NLRP5: variants seen among roughly 807,000 people sequenced by gnomAD.
The protein encoded by NLRP5 is NACHT, LRR and PYD domains-containing protein 5.
NLRP5 carries 93 observed loss-of-function variants against 113.1 expected under a neutral mutation model. The observed-to-expected ratio is 0.82, with a 90% CI of 0.70 to 0.98. The LOEUF is 0.98. NLRP5 is among the 50% of genes least tolerant of loss of function. NLRP5 has a pLI of 0.00. For synonymous variants in NLRP5, 751 were observed against 600.7 expected (o/e 1.25, Z -3.66); for missense variants, 1,808 against 1,514.3 (o/e 1.19, Z -3.22).
intron 11 of NLRP5, among the ~76,000 whole-genome samples, chr19:56,045,033 T>C (rs58212713): frequency 0.012 from 1,753 of 152,334 alleles, 30 homozygotes; most frequent in African/African-American, 0.04. Context: ...TGTTGGTGTA[T>C]AGAACTATTG....
chr19:56,014,395 G>T (rs569749604), intron 3 of NLRP5, among the ~76,000 whole-genome samples: 1 of 151,338 alleles, frequency 6.6e-6, no homozygotes, highest in Non-Finnish European at 1.5e-5. Flanking sequence ...CAGGGGAATC[G>T]CTTGAACCCA....
chr19:56,044,278 G>T (rs1471098887), intron 11 of NLRP5, among the ~76,000 whole-genome samples: 1 of 151,460 alleles, frequency 6.6e-6, no homozygotes, highest in Non-Finnish European at 1.5e-5. Context: ...TAGCCAGGCT[G>T]GTCTCGAACT....
chr19:56,018,656 C>CTGTGG (rs1982497085), intron 4 of NLRP5: 1 of 152,298 alleles, frequency 6.6e-6, no homozygotes, highest in Non-Finnish European at 1.5e-5. Context: ...TGGCTATCCA[C>CTGTGG]AAGCATGACC....
intron 1 of NLRP5, chr19:55,999,872 C>A: frequency 1.1e-6 from 1 of 911,716 alleles, no homozygotes. Flanking sequence ...CCTGCCCTCG[C>A]TGCTGTCTGC....
intron 11 of NLRP5, among the ~76,000 whole-genome samples, chr19:56,047,001 C>T (rs1983752493): frequency 6.6e-6 from 1 of 152,186 alleles, no homozygotes; most frequent in Non-Finnish European, 1.5e-5. Context: ...AGGAATTTAT[C>T]CATGTCTTCT....
chr19:56,003,624 T>C (rs1039137064), intron 1 of NLRP5, 112 bp from the exon 2 acceptor site: 12 of 1,268,770 alleles, frequency 9.5e-6, no homozygotes, highest in African/African-American at 1.5e-5. Flanking sequence ...GCTTCGTCCA[T>C]GAAGAATTGA....
At chr19:56,032,880 G>C in intron 8 of NLRP5, 99 bp downstream of exon 8, 1 of 1,207,896 alleles carries the variant, frequency 8.3e-7, no homozygotes, top group East Asian at 2.4e-5. Context: ...TTCAAGTGCA[G>C]CCTGAGGGCA....
Position 56,000,511 on chromosome 19 carries a change from C to T in NLRP5, c.62+724C>T, listed in dbSNP as rs533481759. Among the ~76,000 whole-genome samples the T allele has an allele frequency of 1.4e-3, 209 of 151,860 alleles. 3 individuals are homozygous for T. In the South Asian group the frequency reaches 0.019, roughly 14 times the overall value. ...TCCCTAGTAGCTGGGACTACAGGCG[C>T]CCGCCACCACGCCCGGCTAATTTTT... On this transcript the variant is annotated intron_variant, in intron 1 of 14. Transcript: ENST00000390649.
intron 4 of NLRP5, 33 bp from the exon 5 acceptor site, chr19:56,019,309 A>T: frequency 6.2e-7 from 1 of 1,613,452 alleles, no homozygotes; most frequent in Non-Finnish European, 8.5e-7. Flanking sequence ...AATAATAAAC[A>T]CAAGTATGTT....
the NLRP5 span, among the ~76,000 whole-genome samples, chr19:55,993,921 C>G: frequency 6.6e-6 from 1 of 151,798 alleles, no homozygotes; most frequent in Admixed American, 6.6e-5. Flanking sequence ...CATATCTTAG[C>G]TATCGTGAAT....
chr19:55,994,361 C>T, the NLRP5 span, among the ~76,000 whole-genome samples: 1 of 152,060 alleles, frequency 6.6e-6, no homozygotes, highest in Admixed American at 6.5e-5. Flanking sequence ...TAGTTCCTTG[C>T]CAGATCATTA....
chr19:56,008,702 A>C lies in NLRP5; in HGVS notation c.443-86A>C, dbSNP rs1599880042. Reference sequence around the variant, plus strand: ...AGGTTTGTCTTGGTTCCCCTCCATAATTTGGACACGGGACATTCTTATCCT... The same window carrying C: ...AGGTTTGTCTTGGTTCCCCTCCATACTTTGGACACGGGACATTCTTATCCT... On this transcript the variant is annotated intron_variant, in intron 2 of 14. Coordinates refer to ENST00000390649, the MANE Select transcript of NLRP5 (RefSeq NM_153447.4). 4 of 1,208,840 alleles carry C rather than the reference A, an allele frequency of 3.3e-6. No homozygotes were observed. In the East Asian group the frequency reaches 1.0e-4, roughly 31 times the overall value. The allele number at this position is 1,208,840 out of a possible 1,614,324, so 74.9% of individuals were successfully genotyped here.
chr19:56,037,262 G>A lies in NLRP5; in HGVS notation c.2616-763G>A, dbSNP rs572436468. On this transcript the variant is annotated intron_variant, in intron 9 of 14. Transcript: ENST00000390649. ...AGCTCGTGCCCTTCAGCAAATGCTC[G>A]AGTGCCCTTTGTGTACCAGGCACCG... Among the ~76,000 whole-genome samples, 7 of 152,212 alleles carry A rather than the reference G, an allele frequency of 4.6e-5. No homozygotes were observed. The South Asian group carries it at 8.3e-4, about 18-fold the overall frequency.
intron 1 of NLRP5, among the ~76,000 whole-genome samples, chr19:56,003,021 G>T (rs1172464471): frequency 6.7e-6 from 1 of 150,072 alleles, no homozygotes; most frequent in East Asian, 2.0e-4. Flanking sequence ...CCGTAAACTA[G>T]TTCAGCCATT....
Position 56,050,420 on chromosome 19 carries a change from T to G in NLRP5, c.2960T>G (p.Leu987Arg). ...TTTCCCATGTGTGTGCCCCACAGGC[T>G]GAATCAGTGCCACCTGGACACGGCT... Residue 987 changes from leucine (L) to arginine (R), a missense_variant and splice_region_variant, in exon 12 of 15, where the codon CTG (leucine) becomes CGG (arginine). Physicochemically the swap from Leu to Arg is moderately radical, Grantham distance 102 (BLOSUM62 -2). Transcript: ENST00000390649. 1 of 1,613,358 alleles carries G rather than the reference T, an allele frequency of 6.2e-7. No homozygotes were observed. Among genetic ancestry groups the G allele is most frequent in the Non-Finnish European group, 8.5e-7 (1 of 1,179,754 alleles).
upstream of NLRP5, among the ~76,000 whole-genome samples, chr19:55,994,822 C>T (rs966371243): frequency 6.6e-6 from 1 of 152,108 alleles, no homozygotes; most frequent in Non-Finnish European, 1.5e-5. Context: ...AAAATATTTG[C>T]CTTGACTTGT....
intron 1 of NLRP5, 69 bp from the exon 2 acceptor site, chr19:56,003,667 G>C (rs747807606): frequency 2.0e-6 from 3 of 1,527,338 alleles, no homozygotes; most frequent in Non-Finnish European, 2.6e-6. Context: ...TGAGGTGATT[G>C]ATGTTAGTTG....
At chr19:55,998,885 A>T (rs890440664), upstream of NLRP5, among the ~76,000 whole-genome samples, 1 of 151,580 alleles carries the variant, frequency 6.6e-6, no homozygotes, top group Non-Finnish European at 1.5e-5. Context: ...AAAAAAGCTA[A>T]CATGTCCATT....
Position 56,058,394 on chromosome 19 carries a change from A to T in NLRP5, c.3454A>T (p.Asn1152Tyr). Residue 1152 changes from asparagine to tyrosine, a missense_variant, in exon 14 of 15, where the codon AAC becomes TAC. Physicochemically the swap from Asn to Tyr is moderately radical, Grantham distance 143 (BLOSUM62 -2). Transcript: ENST00000390649. The stretch of plus-strand genomic sequence containing the variant: ...TTCGGCCTTTGCCTGTCCCACGTCT[A>T]ACTTACAGATAATTGGGTAAGTCGC... The T allele has an allele frequency of 6.2e-7, 1 of 1,613,358 alleles. No individual in the cohort carries two copies. Among genetic ancestry groups the T allele is most frequent in the South Asian group, 1.1e-5 (1 of 90,948 alleles).
Sources: gnomAD v4.1 joint callset for allele counts (sites outside exome capture counted in the v4.1 genomes callset) on GRCh38, gnomAD v4.1.1 for gene constraint, MANE v1.5 for transcripts, NCBI Gene and HGNC (gene_info 2026-07-23, HGNC 2026-07-21) for gene names.